Variants in ACBD6 observed in about 807,000 individuals in gnomAD.
ACBD6 encodes the protein acyl-CoA-binding domain-containing protein 6.
Under a neutral mutation model 37.2 loss-of-function variants are expected in ACBD6, and 28 were observed. The ratio of observed to expected loss-of-function variants is 0.75; its 90% CI spans 0.56 to 1.03. ACBD6 has a LOEUF of 1.03. Ranked by LOEUF, ACBD6 falls within the 50% of genes least tolerant of loss-of-function variation. The pLI is 0.00. For missense variants in ACBD6, 340 were observed against 337.4 expected (o/e 1.01, Z -0.06); for synonymous variants, 113 against 126.8 (o/e 0.89, Z 0.73).
At chr1:180,399,041 AAGT>A (rs1654369500) in intron 5 of ACBD6, among the ~76,000 whole-genome samples, 1 of 152,174 alleles carries the variant, frequency 6.6e-6, no homozygotes, top group Non-Finnish European at 1.5e-5. Context: ...ACAAAAAACA[AAGT>A]AGGAAAACTT....
chr1:180,293,540 T>G (rs1649799004), intron 7 of ACBD6, among the ~76,000 whole-genome samples: 1 of 152,102 alleles, frequency 6.6e-6, no homozygotes, highest in Admixed American at 6.5e-5. Context: ...ACTCCTGACC[T>G]CAGGTGATCT....
intron 1 of ACBD6, among the ~76,000 whole-genome samples, chr1:180,496,372 T>G (rs1360296088): frequency 3.3e-5 from 5 of 152,198 alleles, no homozygotes; most frequent in African/African-American, 1.2e-4. Context: ...GTGTAAAGTC[T>G]CATCTTTCTA....
intron 3 of ACBD6, chr1:180,434,921 A>G: frequency 1.3e-6 from 1 of 778,806 alleles, no homozygotes; most frequent in Non-Finnish European, 2.4e-6. Context: ...TTACAAGCTC[A>G]GGCTCAGCCA....
At chr1:180,478,000 A>C (rs186922183) in intron 3 of ACBD6, among the ~76,000 whole-genome samples, 464 of 152,176 alleles carry the variant, frequency 3.0e-3, no homozygotes, top group African/African-American at 0.01. Flanking sequence ...ATTCTTTTGC[A>C]AAAGAAAATT....
chr1:180,378,506 A>C (rs1322779506), intron 6 of ACBD6, among the ~76,000 whole-genome samples: 2 of 152,236 alleles, frequency 1.3e-5, no homozygotes, highest in African/African-American at 4.8e-5. Flanking sequence ...GTTATACAAG[A>C]AGTTAATTAT....
chr1:180,359,386 T>C (rs1027179791), intron 6 of ACBD6, among the ~76,000 whole-genome samples: 5 of 152,118 alleles, frequency 3.3e-5, no homozygotes, highest in Admixed American at 3.3e-4. Flanking sequence ...TATTATACAG[T>C]ATTTCCAGGA....
chr1:180,313,447 G>A (rs545373220), intron 7 of ACBD6, among the ~76,000 whole-genome samples: 6 of 152,250 alleles, frequency 3.9e-5, no homozygotes, highest in East Asian at 3.9e-4. Flanking sequence ...TTTTGTTTCC[G>A]CCAAGCATCC....
chr1:180,462,260 G>A (rs76890044), intron 3 of ACBD6, among the ~76,000 whole-genome samples: 24,306 of 151,962 alleles, frequency 0.16, 1,998 homozygotes, highest in Middle Eastern at 0.22. Flanking sequence ...AAAGTAAATG[G>A]GCTAAATGCC....
chr1:180,274,734 C>T, exon 10 of ACBD6: 1 of 850,958 alleles, frequency 1.2e-6, no homozygotes, highest in Non-Finnish European at 1.8e-6. Context: ...GGCTGTGAGA[C>T]CACACTAGGG....
intron 6 of ACBD6, among the ~76,000 whole-genome samples, chr1:180,352,318 A>G (rs1652450228): frequency 6.6e-6 from 1 of 152,142 alleles, no homozygotes; most frequent in Non-Finnish European, 1.5e-5. Context: ...TATGTTGTCC[A>G]GGCTGGCCTC....
intron 6 of ACBD6, among the ~76,000 whole-genome samples, chr1:180,327,999 T>C (rs1299817052): frequency 6.6e-6 from 1 of 152,240 alleles, no homozygotes. Context: ...CCTCATCAAA[T>C]ATAGTATGCT....
rs780122121 is a variant in ACBD6 at position 180,495,446 on chromosome 1, C to T, written c.287+15G>A. The T allele has an allele frequency of 1.3e-6, 2 of 1,579,698 alleles. No individual in the cohort carries two copies. The highest frequency in any genetic ancestry group is 2.3e-5 in the South Asian group (2 of 86,386). The stretch of plus-strand genomic sequence containing the variant: ...ATTTCCAACAACCTCATTAAAGATT[C>T]CAGGAATTTCTTACCATTTTTGCTT... On this transcript the variant is annotated intron_variant, in intron 2 of 7. Transcript: ENST00000367595.
At chr1:180,473,149 T>C (rs1037220172) in intron 3 of ACBD6, among the ~76,000 whole-genome samples, 1 of 152,198 alleles carries the variant, frequency 6.6e-6, no homozygotes, top group Non-Finnish European at 1.5e-5. Flanking sequence ...TCTCTCAATA[T>C]GTAAAACTTT....
intron 6 of ACBD6, among the ~76,000 whole-genome samples, chr1:180,330,087 T>A (rs1010365549): frequency 6.6e-6 from 1 of 152,094 alleles, no homozygotes. Context: ...ACGTCTTTCT[T>A]ATTAGGTGTA....
At chr1:180,313,569 T>G (rs1650675819) in intron 7 of ACBD6, among the ~76,000 whole-genome samples, 1 of 152,200 alleles carries the variant, frequency 6.6e-6, no homozygotes, top group Non-Finnish European at 1.5e-5. Flanking sequence ...CCAGGGTCAT[T>G]TGAGCCACTT....
chr1:180,349,251 TA>T (rs200951265), intron 6 of ACBD6, among the ~76,000 whole-genome samples: 9,530 of 135,492 alleles, frequency 0.07, 921 homozygotes, highest in African/African-American at 0.23. Context: ...AAAATATAAA[TA>T]AAAAATTTTA....
intron 6 of ACBD6, among the ~76,000 whole-genome samples, chr1:180,356,014 C>T (rs541611181): frequency 1.5e-4 from 22 of 148,476 alleles, no homozygotes; most frequent in Admixed American, 1.4e-3. Context: ...ACTACAGGCA[C>T]ACGCCACCAC....
At chr1:180,493,247 C>CAAAAAAAAAAAAA (rs71121023) in intron 2 of ACBD6, among the ~76,000 whole-genome samples, 33 of 47,784 alleles carry the variant, frequency 6.9e-4, no homozygotes, top group East Asian at 2.1e-3. Flanking sequence ...AATTCTGTCT[C>CAAAAAAAAAAAAA]AAAAAAAAAA....
At chr1:180,331,925 T>C (rs1316912912) in intron 6 of ACBD6, among the ~76,000 whole-genome samples, 1 of 152,212 alleles carries the variant, frequency 6.6e-6, no homozygotes, top group African/African-American at 2.4e-5. Context: ...AGAGAGTATA[T>C]TCTAAAATAT....
Sources: gnomAD v4.1 joint callset for allele counts (sites outside exome capture counted in the v4.1 genomes callset) on GRCh38, gnomAD v4.1.1 for gene constraint, MANE v1.5 for transcripts, NCBI Gene and HGNC (gene_info 2026-07-23, HGNC 2026-07-21) for gene names.